The following RIMS1 variants were observed in gnomAD, a reference collection of about 807,000 sequenced individuals.
RIMS1 encodes the protein regulating synaptic membrane exocytosis 1.
A neutral mutation model predicts 214.1 loss-of-function variants in RIMS1; 83 were observed. The observed-to-expected ratio is 0.39, with a 90% CI of 0.32 to 0.47. RIMS1 has a LOEUF of 0.47. Ranked by LOEUF, RIMS1 falls within the 20% of genes least tolerant of loss-of-function variation. The pLI, the probability that RIMS1 is intolerant of heterozygous loss-of-function variation, is 0.99. For synonymous variants in RIMS1, 793 were observed against 786.8 expected (o/e 1.01, Z -0.13); for missense variants, 2,050 against 2,161.8 (o/e 0.95, Z 1.03).
chr6:72,146,055 A>G (rs1341484426), intron 4 of RIMS1, among the ~76,000 whole-genome samples: 1 of 152,246 alleles, frequency 6.6e-6, no homozygotes. Flanking sequence ...AGGATCAGCA[A>G]TATTTTAAGC....
chr6:72,217,460 C>T (rs749995539), intron 6 of RIMS1, among the ~76,000 whole-genome samples: 1 of 152,058 alleles, frequency 6.6e-6, no homozygotes, highest in Non-Finnish European at 1.5e-5. Context: ...ATCTGAAGTA[C>T]ACATTAAATT....
rs148191944 is a variant in RIMS1 at position 72,280,099 on chromosome 6, C to G, written c.3483-3948C>G. Reference sequence around the variant, plus strand: ...CTAGATTTTATAGCCCTAGTTAGTTCTTTTTTATTGTAATTTTTGGGCTTT... The same window carrying G: ...CTAGATTTTATAGCCCTAGTTAGTTGTTTTTTATTGTAATTTTTGGGCTTT... On this transcript the variant is annotated intron_variant, in intron 23 of 33. Coordinates refer to ENST00000521978, the MANE Select transcript of RIMS1 (RefSeq NM_014989.7). Among the ~76,000 whole-genome samples the G allele has an allele frequency of 3.3e-5, 5 of 151,346 alleles. No individual in the cohort carries two copies. The East Asian group carries it at 7.7e-4, about 23-fold the overall frequency.
intron 1 of RIMS1, among the ~76,000 whole-genome samples, chr6:71,927,105 TA>T (rs1420804062): frequency 1.3e-5 from 2 of 152,140 alleles, no homozygotes; most frequent in Non-Finnish European, 2.9e-5. Flanking sequence ...GAAAAAAATT[TA>T]GAAGAAATGA....
At chr6:72,083,971 T>C (rs1307018917) in intron 2 of RIMS1, among the ~76,000 whole-genome samples, 1 of 152,182 alleles carries the variant, frequency 6.6e-6, no homozygotes, top group Non-Finnish European at 1.5e-5. Context: ...TTGGTTTTTT[T>C]CCCTCTTTAT....
At chr6:72,101,229 A>G (rs1378381045) in intron 4 of RIMS1, among the ~76,000 whole-genome samples, 1 of 152,000 alleles carries the variant, frequency 6.6e-6, no homozygotes, top group African/African-American at 2.4e-5. Flanking sequence ...TGTGCTTGTT[A>G]TGATTATAGT....
chr6:72,144,882 C>CTTTTTTT (rs1194756462), intron 4 of RIMS1, among the ~76,000 whole-genome samples: 2 of 149,112 alleles, frequency 1.3e-5, no homozygotes, highest in Non-Finnish European at 3.0e-5. Context: ...TTTTTTCTTT[C>CTTTTTTT]TTTTTTCTTT....
chr6:72,149,689 T>G (rs1289661993), intron 4 of RIMS1, among the ~76,000 whole-genome samples: 4 of 152,224 alleles, frequency 2.6e-5, no homozygotes, highest in Non-Finnish European at 4.4e-5. Flanking sequence ...TATGCCCACA[T>G]TCACTCACCC....
At chr6:72,230,097 T>C (rs1013800318) in intron 6 of RIMS1, among the ~76,000 whole-genome samples, 1 of 151,848 alleles carries the variant, frequency 6.6e-6, no homozygotes, top group South Asian at 2.1e-4. Context: ...GGAAGGATAA[T>C]TGTGATTTTT....
At chr6:72,030,907 G>T (rs1461865956) in intron 2 of RIMS1, among the ~76,000 whole-genome samples, 1 of 152,036 alleles carries the variant, frequency 6.6e-6, no homozygotes, top group African/African-American at 2.4e-5. Context: ...GGCACACAAA[G>T]TAAAGAGCAC....
At chr6:71,945,201 G>A in intron 1 of RIMS1, among the ~76,000 whole-genome samples, 1 of 152,166 alleles carries the variant, frequency 6.6e-6, no homozygotes, top group Admixed American at 6.5e-5. Flanking sequence ...AGTAACAGCA[G>A]AGGACTGTGC....
At chr6:71,937,060 A>G (rs1319735102) in intron 1 of RIMS1, among the ~76,000 whole-genome samples, 1 of 152,230 alleles carries the variant, frequency 6.6e-6, no homozygotes, top group Non-Finnish European at 1.5e-5. Context: ...CTTTCCTTTT[A>G]GCCAGTGTAA....
rs866730855 is a variant in RIMS1 at position 72,233,941 on chromosome 6, A to G, written c.1746+101A>G. On this transcript the variant is annotated intron_variant, in intron 7 of 33. Coordinates refer to ENST00000521978, the MANE Select transcript of RIMS1 (RefSeq NM_014989.7). ...TATCTGCTCTATTATTCATTTGGTA[A>G]GGGCAAATATTGATTTCATTTAAGA... The G allele has an allele frequency of 1.9e-5, 14 of 748,770 alleles. 1 individual carries two copies. In the Middle Eastern group the frequency reaches 2.3e-3, roughly 125 times the overall value. The allele number at this position is 748,770 out of a possible 1,614,324, so 46.4% of individuals were successfully genotyped here. A position where few individuals can be genotyped will look rare whatever the true frequency, so the allele number is the denominator to read the frequency against.
At chr6:72,159,282 T>G (rs1190501034) in intron 4 of RIMS1, among the ~76,000 whole-genome samples, 1 of 141,102 alleles carries the variant, frequency 7.1e-6, no homozygotes, top group Non-Finnish European at 1.6e-5. Context: ...TCACTGTAGA[T>G]TCTGGATATT....
At chr6:71,927,860 T>C (rs887721502) in intron 1 of RIMS1, among the ~76,000 whole-genome samples, 3 of 152,170 alleles carry the variant, frequency 2.0e-5, no homozygotes, top group Non-Finnish European at 4.4e-5. Flanking sequence ...AGAAAGCATT[T>C]ATAAATTGCC....
At chr6:72,180,958 C>T (rs147342820) in intron 5 of RIMS1, among the ~76,000 whole-genome samples, 3 of 152,198 alleles carry the variant, frequency 2.0e-5, no homozygotes, top group Admixed American at 6.5e-5. Flanking sequence ...TGTTCCCAAG[C>T]TGGCACATAG....
At chr6:72,167,661 G>C (rs2153948326) in intron 4 of RIMS1, among the ~76,000 whole-genome samples, 1 of 152,100 alleles carries the variant, frequency 6.6e-6, no homozygotes, top group African/African-American at 2.4e-5. Context: ...TTTTGCGTCA[G>C]TTTTGGTAGT....
At position 72,081,500 on chromosome 6, in the gene RIMS1, G is replaced by T. The variant is rs16882102; in HGVS notation, c.246-15449G>T. ...CAATATTATGAAAGGTAAAATGACT[G>T]CTCCTAGCTTTGTATGCACTGTGAT... is the stretch of plus-strand genomic sequence containing the variant. On this transcript the variant is annotated intron_variant, in intron 2 of 33. Coordinates refer to ENST00000521978, the MANE Select transcript of RIMS1 (RefSeq NM_014989.7). 4.7e-3 allele frequency among the ~76,000 whole-genome samples: 709 copies of T among 152,228 alleles called. 3 individuals carry two copies. Among genetic ancestry groups the T allele is most frequent in the Admixed American group, 0.024 (373 of 15,282 alleles).
chr6:72,352,470 A>G (rs889705296), intron 29 of RIMS1, among the ~76,000 whole-genome samples: 6 of 152,222 alleles, frequency 3.9e-5, no homozygotes, highest in Non-Finnish European at 7.3e-5. Flanking sequence ...CCATCATACT[A>G]TTATATCATC....
At chr6:72,007,212 A>G (rs1361355783) in intron 2 of RIMS1, among the ~76,000 whole-genome samples, 1 of 152,214 alleles carries the variant, frequency 6.6e-6, no homozygotes. Context: ...CCAGGCAAAC[A>G]GGGTCTGGAG....
Sources: allele counts gnomAD v4.1 joint callset (sites outside exome capture counted in the v4.1 genomes callset), GRCh38; gene constraint gnomAD v4.1.1; transcripts MANE v1.5; gene names NCBI Gene and HGNC (gene_info 2026-07-23, HGNC 2026-07-21).